The following CHSY3 variants were observed in gnomAD, a reference collection of about 807,000 sequenced individuals.
CHSY3 encodes N-acetylgalactosaminyl-proteoglycan 3-beta-glucuronosyltransferase 3.
A neutral mutation model predicts 67.2 loss-of-function variants in CHSY3; 35 were observed. The ratio of observed to expected loss-of-function variants is 0.52; its 90% CI spans 0.40 to 0.69. The LOEUF (loss-of-function observed/expected upper bound fraction) is 0.69. CHSY3 is among the 30% of genes least tolerant of loss of function. CHSY3 has a pLI of 0.00. For synonymous variants in CHSY3, 474 were observed against 434.7 expected, an observed-to-expected ratio of 1.09 and a Z score of -1.12; for missense variants, 1,069 against 1,138.5, an observed-to-expected ratio of 0.94 and a Z score of 0.88.
intron 2 of CHSY3, among the ~76,000 whole-genome samples, chr5:130,143,810 G>GTA (rs61284287): frequency 0.056 from 3,181 of 56,336 alleles, 172 homozygotes; most frequent in East Asian, 0.097. Context: ...ATATATGTGT[G>GTA]TATATATATA....
chr5:129,908,796 T>C (rs937622047), intron 2 of CHSY3, among the ~76,000 whole-genome samples: 13 of 152,194 alleles, frequency 8.5e-5, no homozygotes, highest in South Asian at 2.1e-4. Context: ...TGTTTTTAAA[T>C]GGTTAAAATC....
intron 2 of CHSY3, among the ~76,000 whole-genome samples, chr5:130,084,194 A>T (rs1766535222): frequency 6.6e-6 from 1 of 151,976 alleles, no homozygotes; most frequent in South Asian, 2.1e-4. Flanking sequence ...TATTTCAAAT[A>T]TCTGAAATTG....
intron 1 of CHSY3, chr5:129,905,951 C>T (rs1018994871): frequency 5.2e-6 from 2 of 385,016 alleles, no homozygotes; most frequent in Non-Finnish European, 4.5e-6. Flanking sequence ...TAGAGCTAAA[C>T]CAAAGGCCAT....
In CHSY3 at chr5:130,104,584, G is replaced by A. The variant is rs76188952; in HGVS notation, c.1087-79645G>A. 7.4e-3 allele frequency among the ~76,000 whole-genome samples: 1,131 copies of A among 151,818 alleles called. 45 individuals carry two copies. The East Asian group carries it at 0.13, about 17-fold the overall frequency. On this transcript the variant is annotated intron_variant, in intron 2 of 2. Coordinates refer to ENST00000305031, the MANE Select transcript of CHSY3 (RefSeq NM_175856.5). Reference sequence around the variant, plus strand: ...TAACGTATTAGGTAAACAGAGAGAAGAAGGAAGGACTGGAAGAGCAATGCC... The same window carrying A: ...TAACGTATTAGGTAAACAGAGAGAAAAAGGAAGGACTGGAAGAGCAATGCC...
intron 2 of CHSY3, among the ~76,000 whole-genome samples, chr5:130,120,715 G>A (rs1274936208): frequency 6.6e-6 from 1 of 151,958 alleles, no homozygotes; most frequent in African/African-American, 2.4e-5. Flanking sequence ...TTGTTGTCAG[G>A]ATTAACTGAG....
chr5:130,029,406 G>A (rs1263861318), intron 2 of CHSY3, among the ~76,000 whole-genome samples: 1 of 151,922 alleles, frequency 6.6e-6, no homozygotes, highest in Non-Finnish European at 1.5e-5. Context: ...CTTTCACAAG[G>A]TTGTATATCA....
chr5:130,097,727 GA>G (rs1245440732), intron 2 of CHSY3, among the ~76,000 whole-genome samples: 2 of 152,222 alleles, frequency 1.3e-5, no homozygotes, highest in Non-Finnish European at 2.9e-5. Flanking sequence ...GAGGAGGCAG[GA>G]CGCGGTGGCT....
At chr5:129,954,877 A>T (rs1273728989) in intron 2 of CHSY3, among the ~76,000 whole-genome samples, 1 of 151,752 alleles carries the variant, frequency 6.6e-6, no homozygotes, top group Non-Finnish European at 1.5e-5. Flanking sequence ...AAATATATAT[A>T]TATTTTTTTG....
chr5:130,094,759 C>T (rs1187295535), intron 2 of CHSY3, among the ~76,000 whole-genome samples: 4 of 152,030 alleles, frequency 2.6e-5, no homozygotes, highest in Non-Finnish European at 4.4e-5. Context: ...ACACAGTGAA[C>T]CACATAACCA....
In CHSY3 at chr5:130,184,362, A is replaced by G. The variant is rs199969624; in HGVS notation, c.1220A>G (p.Asn407Ser). The G allele has an allele frequency of 1.2e-4, 193 of 1,614,152 alleles. No homozygotes were observed. In the East Asian group the frequency reaches 3.3e-3, roughly 28 times the overall value. ...KRPAYQYRLHNYMLSRKISEL... is the reference protein window; with the variant it reads ...KRPAYQYRLHSYMLSRKISEL... Reference sequence around the variant, plus strand: ...CCTGCATACCAATACAGGCTGCATAATTACATGCTCAGCCGCAAAATTTCT... The same window carrying G: ...CCTGCATACCAATACAGGCTGCATAGTTACATGCTCAGCCGCAAAATTTCT... Residue 407 changes from asparagine to serine, a missense_variant, in exon 3 of 3, where the codon AAT becomes AGT. By Grantham distance (46) the Asn-to-Ser change is conservative (BLOSUM62 1). This residue lies in a region of CHSY3 where 216 missense variants were observed against 311.5 expected (regional missense o/e 0.69). Transcript: ENST00000305031.
At chr5:129,996,835 C>T (rs1763554585) in intron 2 of CHSY3, among the ~76,000 whole-genome samples, 1 of 152,016 alleles carries the variant, frequency 6.6e-6, no homozygotes, top group South Asian at 2.1e-4. Flanking sequence ...TTTGTAACAA[C>T]CTAATTTAAT....
intron 2 of CHSY3, among the ~76,000 whole-genome samples, chr5:130,097,224 GTC>G (rs1302770502): frequency 4.6e-5 from 7 of 152,226 alleles, no homozygotes; most frequent in Non-Finnish European, 7.3e-5. Flanking sequence ...CACTGTGTTT[GTC>G]ATTTTCTAAG....
At chr5:130,033,683 A>G (rs1248247399) in intron 2 of CHSY3, among the ~76,000 whole-genome samples, 1 of 152,172 alleles carries the variant, frequency 6.6e-6, no homozygotes, top group Non-Finnish European at 1.5e-5. Context: ...GAGTCTGGAT[A>G]GCTGAAGATC....
intron 2 of CHSY3, among the ~76,000 whole-genome samples, chr5:129,947,468 C>T (rs10044593): frequency 0.49 from 74,019 of 151,586 alleles, 18,833 homozygotes; most frequent in Middle Eastern, 0.59. Context: ...ACTAAAAATA[C>T]AAAAATTAGC....
chr5:129,987,774 T>C (rs1763248569), intron 2 of CHSY3, among the ~76,000 whole-genome samples: 1 of 152,138 alleles, frequency 6.6e-6, no homozygotes, highest in South Asian at 2.1e-4. Context: ...GCAGAAAAAA[T>C]AAGCATAAAT....
At chr5:130,111,007 T>G (rs1767576680) in intron 2 of CHSY3, among the ~76,000 whole-genome samples, 1 of 152,000 alleles carries the variant, frequency 6.6e-6, no homozygotes. Context: ...AACATTTAAT[T>G]TCTTATGTTG....
chr5:129,933,438 T>C (rs570225101), intron 2 of CHSY3, among the ~76,000 whole-genome samples: 1 of 152,156 alleles, frequency 6.6e-6, no homozygotes, highest in Non-Finnish European at 1.5e-5. Flanking sequence ...AAAAATCCAA[T>C]GTAAAAAATA....
chr5:130,162,797 T>A (rs1371575310), intron 2 of CHSY3, among the ~76,000 whole-genome samples: 1 of 152,158 alleles, frequency 6.6e-6, no homozygotes, highest in Non-Finnish European at 1.5e-5. Flanking sequence ...GAAGTGAATC[T>A]TGAAGGATGG....
At chr5:129,995,890 TC>T in intron 2 of CHSY3, among the ~76,000 whole-genome samples, 1 of 152,086 alleles carries the variant, frequency 6.6e-6, no homozygotes, top group Non-Finnish European at 1.5e-5. Context: ...ATCTCCAATC[TC>T]CCATCTTTAT....
Sources: gnomAD v4.1 joint callset for allele counts (sites outside exome capture counted in the v4.1 genomes callset) on GRCh38, gnomAD v4.1.1 for gene constraint, gnomAD v4.1.1 regional missense constraint, MANE v1.5 for transcripts, NCBI Gene and HGNC (gene_info 2026-07-23, HGNC 2026-07-21) for gene names.